The following SLC6A3 variants were observed in gnomAD, a reference collection of about 807,000 sequenced individuals.
SLC6A3 encodes the protein solute carrier family 6 member 3.
Under a neutral mutation model 70.4 loss-of-function variants are expected in SLC6A3, and 19 were observed. The observed-to-expected ratio is 0.27, with a 90% confidence interval of 0.19 to 0.40. The LOEUF (loss-of-function observed/expected upper bound fraction) is 0.40, where lower values mean the gene tolerates loss of function less well. SLC6A3 is among the 10% of genes least tolerant of loss of function. SLC6A3 has a pLI of 1.00. For synonymous variants in SLC6A3, 368 were observed against 356.6 expected (o/e 1.03, Z -0.36); for missense variants, 613 against 838.5 (o/e 0.73, Z 3.32).
chr5:1,394,590 G>T lies in SLC6A3; in HGVS notation c.*145C>A. On this transcript the variant is annotated 3_prime_UTR_variant, in exon 15 of 15. Coordinates refer to ENST00000270349, the MANE Select transcript of SLC6A3 (RefSeq NM_001044.5). The surrounding 1 kb of genome is among the most constrained non-coding windows in gnomAD (Gnocchi z 4.7). ...AAAGGTGTAAACAGTCAGAAGAGAG[G>T]AGTCTTCTGCTTTGTTGTTTGTGTT... The T allele has an allele frequency of 1.2e-6, 1 of 823,478 alleles. No individual in the cohort carries two copies. The highest frequency in any genetic ancestry group is 1.7e-5 in the African/African-American group (1 of 60,036). The allele number at this position is 823,478 out of a possible 1,614,324, so 51.0% of individuals were successfully genotyped here.
rs904459507 is a variant in SLC6A3, at chr5:1,437,482, C to T, written c.418+3877G>A. ...GAGACACAGGGAGAGGGAAAGAGAG[C>T]GAGGGGAAGGGAGGAGACGGAGAGT... is the stretch of plus-strand genomic sequence containing the variant. On this transcript the variant is annotated intron_variant, in intron 3 of 14. Coordinates refer to ENST00000270349, the MANE Select transcript of SLC6A3 (RefSeq NM_001044.5). This position sits in a 1 kb window ranked among gnomAD's most constrained non-coding sequence, Gnocchi z 4.8. Among the ~76,000 whole-genome samples, 3 of 151,750 alleles carry T rather than the reference C, an allele frequency of 2.0e-5. No individual in the cohort carries two copies. The highest frequency in any genetic ancestry group is 6.6e-5 in the Admixed American group (1 of 15,228).
intron 3 of SLC6A3, among the ~76,000 whole-genome samples, chr5:1,439,347 G>A (rs1181304253): frequency 6.6e-6 from 1 of 150,504 alleles, no homozygotes; most frequent in East Asian, 1.9e-4. Context: ...GGGGTGGGGA[G>A]GGAGGCCTCT....
At position 1,394,628 on chromosome 5, in the gene SLC6A3, T is replaced by G. The variant is rs575918234; in HGVS notation, c.*107A>C. ...TGTTGTTTGTGTTTTCAGTAGAGGT[T>G]GAAGAGTAGAAGTTGCCCTCCTTTC... On this transcript the variant is annotated 3_prime_UTR_variant, in exon 15 of 15. Coordinates refer to ENST00000270349, the MANE Select transcript of SLC6A3 (RefSeq NM_001044.5). The surrounding 1 kb of genome is among the most constrained non-coding windows in gnomAD (Gnocchi z 4.7). 3 of 1,064,476 alleles carry G rather than the reference T, an allele frequency of 2.8e-6. No individual in the cohort carries two copies. Among genetic ancestry groups the G allele is most frequent in the South Asian group, 2.5e-5 (2 of 80,032 alleles). The allele number at this position is 1,064,476 out of a possible 1,614,324, so 65.9% of individuals were successfully genotyped here.
Position 1,406,369 on chromosome 5 carries a change from A to C in SLC6A3, c.1499-81T>G. ...TGGACACGTGTGGGGGTCCTCGCTG[A>C]CTCCCAAGGGCCCCACCTACCGGCC... On this transcript the variant is annotated intron_variant, in intron 11 of 14. Coordinates refer to ENST00000270349, the MANE Select transcript of SLC6A3 (RefSeq NM_001044.5). This position sits in a 1 kb window ranked among gnomAD's most constrained non-coding sequence, Gnocchi z 8.8. The C allele has an allele frequency of 8.2e-7, 1 of 1,221,134 alleles. No homozygotes were observed. The highest frequency in any genetic ancestry group is 1.2e-6 in the Non-Finnish European group (1 of 823,986). The allele number at this position is 1,221,134 out of a possible 1,614,324, so 75.6% of individuals were successfully genotyped here. A position where few individuals can be genotyped will look rare whatever the true frequency, so the allele number is the denominator to read the frequency against.
chr5:1,407,938 C>T (rs960963672), intron 11 of SLC6A3, among the ~76,000 whole-genome samples: 6 of 152,234 alleles, frequency 3.9e-5, no homozygotes, highest in Non-Finnish European at 7.4e-5. Flanking sequence ...GTGAGCTGGG[C>T]GTCCTCCAAA....
rs28363133 is a variant in SLC6A3, at chr5:1,402,642, G to T, written c.1767+280C>A. 5.3e-5 allele frequency among the ~76,000 whole-genome samples: 8 copies of T among 152,192 alleles called. No individual in the cohort carries two copies. Among genetic ancestry groups the T allele is most frequent in the African/African-American group, 1.9e-4 (8 of 41,534 alleles). ...AGAGATACAGTGGATGTACACACAG[G>T]CACAAGCACACACAGACACATGCAC... On this transcript the variant is annotated intron_variant, in intron 13 of 14. Coordinates refer to ENST00000270349, the MANE Select transcript of SLC6A3 (RefSeq NM_001044.5). The surrounding 1 kb of genome is among the most constrained non-coding windows in gnomAD (Gnocchi z 8.5).
In SLC6A3 at chr5:1,411,491, C is replaced by T. The variant is rs1164347581; in HGVS notation, c.1157-136G>A. The T allele has an allele frequency of 6.9e-6, 5 of 723,836 alleles. No homozygotes were observed. Among genetic ancestry groups the T allele is most frequent in the Non-Finnish European group, 1.2e-5 (5 of 404,532 alleles). 44.8% of individuals were successfully genotyped at this position (723,836 alleles called of 1,614,324 possible). On this transcript the variant is annotated intron_variant, in intron 8 of 14. Coordinates refer to ENST00000270349, the MANE Select transcript of SLC6A3 (RefSeq NM_001044.5). The surrounding 1 kb of genome is among the most constrained non-coding windows in gnomAD (Gnocchi z 6.5). Reference sequence around the variant, plus strand: ...GGCTGGTGCGGCTCTGCTGAAAAGCCCCCTTCTATATGTCCAGCAGACCAG... The same window carrying T: ...GGCTGGTGCGGCTCTGCTGAAAAGCTCCCTTCTATATGTCCAGCAGACCAG...
intron 8 of SLC6A3, among the ~76,000 whole-genome samples, chr5:1,412,735 G>C (rs778649193): frequency 6.6e-6 from 1 of 152,246 alleles, no homozygotes; most frequent in Non-Finnish European, 1.5e-5. Flanking sequence ...GCAGGCACGT[G>C]TCTGGCCCTA....
At chr5:1,439,002 C>T (rs1301549495) in intron 3 of SLC6A3, among the ~76,000 whole-genome samples, 2 of 152,240 alleles carry the variant, frequency 1.3e-5, no homozygotes, top group African/African-American at 2.4e-5. Context: ...CAGCACTCCT[C>T]TCTGAAACAC....
chr5:1,396,640 C>T lies in SLC6A3; in HGVS notation c.1840-1882G>A, dbSNP rs991103855. On this transcript the variant is annotated intron_variant, in intron 14 of 14. Transcript: ENST00000270349. This position sits in a 1 kb window ranked among gnomAD's most constrained non-coding sequence, Gnocchi z 7.0. ...GCTGAGGGTTCAGACGAGCACATCC[C>T]GCTGTGAATGAGGAGGCTGGGGAGA... Among the ~76,000 whole-genome samples the T allele has an allele frequency of 4.7e-5, 7 of 150,268 alleles. No homozygotes were observed. The highest frequency in any genetic ancestry group is 9.7e-5 in the African/African-American group (4 of 41,306).
At position 1,431,819 on chromosome 5, in the gene SLC6A3, G is replaced by A. The variant is rs558844728; in HGVS notation, c.653+645C>T. Among the ~76,000 whole-genome samples the A allele has an allele frequency of 3.3e-5, 5 of 152,306 alleles. No individual in the cohort carries two copies. In the East Asian group the frequency reaches 9.7e-4, roughly 29 times the overall value. ...AAAGGGAGAAGGAGACAGAGACCCA[G>A]GAGGCTGCTGGACATGGGATACGCT... is the stretch of plus-strand genomic sequence containing the variant. On this transcript the variant is annotated intron_variant, in intron 4 of 14. Coordinates refer to ENST00000270349, the MANE Select transcript of SLC6A3 (RefSeq NM_001044.5).
Position 1,406,632 on chromosome 5 carries a change from G to T in SLC6A3, c.1499-344C>A, listed in dbSNP as rs1019591854. ...CTGGTACTTCTTGTTCACTTAAAAA[G>T]ATTATGGTAAAATACACATAACATA... On this transcript the variant is annotated intron_variant, in intron 11 of 14. Coordinates refer to ENST00000270349, the MANE Select transcript of SLC6A3 (RefSeq NM_001044.5). This position sits in a 1 kb window ranked among gnomAD's most constrained non-coding sequence, Gnocchi z 8.8. Among the ~76,000 whole-genome samples, 104 of 149,380 alleles carry T rather than the reference G, an allele frequency of 7.0e-4. 2 individuals carry two copies. The highest frequency in any genetic ancestry group is 2.5e-3 in the African/African-American group (102 of 41,288).
At position 1,442,560 on chromosome 5, in the gene SLC6A3, C is replaced by T. The variant is rs1733701605; in HGVS notation, c.286+352G>A. Among the ~76,000 whole-genome samples the T allele has an allele frequency of 2.0e-5, 3 of 152,316 alleles. No homozygotes were observed. Among genetic ancestry groups the T allele is most frequent in the Admixed American group, 1.3e-4 (2 of 15,306 alleles). On this transcript the variant is annotated intron_variant, in intron 2 of 14. Coordinates refer to ENST00000270349, the MANE Select transcript of SLC6A3 (RefSeq NM_001044.5). The surrounding 1 kb of genome is among the most constrained non-coding windows in gnomAD (Gnocchi z 5.0). The stretch of plus-strand genomic sequence containing the variant: ...CTTTGCAAAGGCTGCCAAAGTCAGC[C>T]GCAGGCTGTTCTTTGGACCTTTGAG...
At chr5:1,430,659 G>A (rs1756677626) in intron 4 of SLC6A3, among the ~76,000 whole-genome samples, 1 of 152,168 alleles carries the variant, frequency 6.6e-6, no homozygotes, top group South Asian at 2.1e-4. Flanking sequence ...AGACCTCAGT[G>A]ATGTCTGTTG....
rs1211557311 is a variant in SLC6A3 at position 1,393,017 on chromosome 5, G to A, written c.*1718C>T. On this transcript the variant is annotated 3_prime_UTR_variant, in exon 15 of 15. Transcript: ENST00000270349. ...CAATGGGGAAGCCGCTCTCTGTGCT[G>A]ACTGCAGCGGCCAGAAGGCGATGGG... The A allele has an allele frequency of 1.3e-5, 2 of 151,040 alleles. No homozygotes were observed. Among genetic ancestry groups the A allele is most frequent in the African/African-American group, 4.9e-5 (2 of 40,618 alleles). The allele number at this position is 151,040 out of a possible 1,614,324, so 9.4% of individuals were successfully genotyped here. A position where few individuals can be genotyped will look rare whatever the true frequency, so the allele number is the denominator to read the frequency against.
chr5:1,431,820 G>C (rs926434445), intron 4 of SLC6A3, among the ~76,000 whole-genome samples: 1 of 152,184 alleles, frequency 6.6e-6, no homozygotes, highest in Non-Finnish European at 1.5e-5. Context: ...AGAGACCCAG[G>C]AGGCTGCTGG....
Position 1,412,434 on chromosome 5 carries a change from C to T in SLC6A3, c.1157-1079G>A, listed in dbSNP as rs73731758. Reference sequence around the variant, plus strand: ...TTGCTATCCCTGCAAGCGAGGGGCACGCCAGGCTGAGGGCGGCATGGCAAA... The same window carrying T: ...TTGCTATCCCTGCAAGCGAGGGGCATGCCAGGCTGAGGGCGGCATGGCAAA... On this transcript the variant is annotated intron_variant, in intron 8 of 14. Coordinates refer to ENST00000270349, the MANE Select transcript of SLC6A3 (RefSeq NM_001044.5). Among the ~76,000 whole-genome samples the T allele has an allele frequency of 6.8e-3, 1,034 of 152,332 alleles. 12 individuals are homozygous for T. Among genetic ancestry groups the T allele is most frequent in the African/African-American group, 0.024 (981 of 41,576 alleles).
At chr5:1,430,354 C>G (rs962725627) in intron 4 of SLC6A3, among the ~76,000 whole-genome samples, 2 of 152,250 alleles carry the variant, frequency 1.3e-5, no homozygotes, top group African/African-American at 4.8e-5. Flanking sequence ...AAGAAAAACG[C>G]CGGGTGGCCC....
rs1755674625 is a variant in SLC6A3, at chr5:1,394,772, A to C, written c.1840-14T>G. 3.7e-6 allele frequency: 6 copies of C among 1,614,126 alleles called. No individual in the cohort carries two copies. Among genetic ancestry groups the C allele is most frequent in the Non-Finnish European group, 5.1e-6 (6 of 1,179,986 alleles). On this transcript the variant is annotated splice_polypyrimidine_tract_variant and intron_variant, in intron 14 of 14. Transcript: ENST00000270349. This position sits in a 1 kb window ranked among gnomAD's most constrained non-coding sequence, Gnocchi z 4.7. The stretch of plus-strand genomic sequence containing the variant: ...CCAGTGGCGGAGCTGGAAAGAAAAC[A>C]GGTTTAGTCAGAAACCCTGGGGCGA...
Sources: allele counts gnomAD v4.1 joint callset (sites outside exome capture counted in the v4.1 genomes callset), GRCh38; gene constraint gnomAD v4.1.1; non-coding constraint Gnocchi (gnomAD v3.1); transcripts MANE v1.5; gene names NCBI Gene and HGNC (gene_info 2026-07-23, HGNC 2026-07-21).